Variants in CHD9 observed in about 807,000 individuals in gnomAD.
The protein encoded by CHD9 is ATP-dependent chromatin remodeler CHD9.
A neutral mutation model predicts 316.1 loss-of-function variants in CHD9; 77 were observed. That is an observed-to-expected ratio of 0.24 (90% CI 0.20 to 0.29). CHD9 has a LOEUF of 0.29. Among genes scored for constraint, CHD9 ranks in the 10% least tolerant of loss-of-function variants. The probability of loss-of-function intolerance (pLI) is 1.00; values close to 1 mark genes in which losing one functional copy is unlikely to be tolerated. For missense variants in CHD9, 2,763 were observed against 3,438.1 expected, an observed-to-expected ratio of 0.80 and a Z score of 4.91; for synonymous variants, 1,129 against 1,158.3, an observed-to-expected ratio of 0.97 and a Z score of 0.51.
In CHD9 at chr16:53,304,692, T is replaced by C. The variant is rs551668330; in HGVS notation, c.6619+67T>C. 122 of 853,740 alleles carry C rather than the reference T, an allele frequency of 1.4e-4. No individual in the cohort carries two copies. The East Asian group carries it at 1.9e-3, about 14-fold the overall frequency. The allele number at this position is 853,740 out of a possible 1,614,324, so 52.9% of individuals were successfully genotyped here. ...TCTTTTCTTTTCTTTTCTTTTCTTT[T>C]CTTTTTTTTTTTTTTTTTTGAGATG... On this transcript the variant is annotated intron_variant, in intron 31 of 38. Coordinates refer to ENST00000447540, the MANE Select transcript of CHD9 (RefSeq NM_001308319.2).
chr16:53,296,886 C>T, intron 29 of CHD9, 70 bp from the exon 30 acceptor site: 2 of 971,850 alleles, frequency 2.1e-6, no homozygotes, highest in South Asian at 1.5e-5. Context: ...GTATTATAGT[C>T]ATTATATTTA....
chr16:53,172,515 T>C (rs2152785510), intron 2 of CHD9, among the ~76,000 whole-genome samples: 1 of 152,344 alleles, frequency 6.6e-6, no homozygotes, highest in South Asian at 2.1e-4. Context: ...CATACATTTT[T>C]ATTTCCATTG....
chr16:53,245,211 T>C lies in CHD9; in HGVS notation c.3055-125T>C, dbSNP rs200406885. 16,692 of 626,428 alleles carry C rather than the reference T, an allele frequency of 0.027. 387 individuals are homozygous for C. The highest frequency in any genetic ancestry group is 0.058 in the South Asian group (1,649 of 28,676). 38.8% of individuals were successfully genotyped at this position (626,428 alleles called of 1,614,324 possible). On this transcript the variant is annotated intron_variant, in intron 13 of 38. Coordinates refer to ENST00000447540, the MANE Select transcript of CHD9 (RefSeq NM_001308319.2). The surrounding 1 kb of genome is among the most constrained non-coding windows in gnomAD (Gnocchi z 4.1). Reference sequence around the variant, plus strand: ...ATATATATATACACACACACACACATAACATATATATATGTATATATAGTC... The same window carrying C: ...ATATATATATACACACACACACACACAACATATATATATGTATATATAGTC...
intron 1 of CHD9, among the ~76,000 whole-genome samples, chr16:53,143,419 G>A (rs1396037073): frequency 2.1e-5 from 3 of 139,792 alleles, no homozygotes; most frequent in African/African-American, 5.4e-5. Flanking sequence ...GCAGATACTC[G>A]CTCTGTCGCC....
At position 53,110,403 on chromosome 16, in the gene CHD9, C is replaced by A. The variant is rs150934810; in HGVS notation, c.-164-45523C>A. On this transcript the variant is annotated intron_variant, in intron 1 of 38. Coordinates refer to ENST00000447540, the MANE Select transcript of CHD9 (RefSeq NM_001308319.2). ...ACTGAGCCCAGGAGTTCAAAACCAG[C>A]CTGGGCAACATAGTGAGACTCTGTC... Among the ~76,000 whole-genome samples the A allele has an allele frequency of 2.9e-3, 448 of 152,194 alleles. 5 individuals are homozygous for A. The highest frequency in any genetic ancestry group is 0.01 in the African/African-American group (431 of 41,504).
At chr16:53,062,436 A>G (rs1025697970) in intron 1 of CHD9, among the ~76,000 whole-genome samples, 1 of 152,182 alleles carries the variant, frequency 6.6e-6, no homozygotes, top group Admixed American at 6.5e-5. Context: ...TATCAATGGT[A>G]TGAGGATAGA....
intron 11 of CHD9, among the ~76,000 whole-genome samples, chr16:53,236,166 A>T (rs1489637931): frequency 1.3e-5 from 2 of 152,058 alleles, no homozygotes; most frequent in African/African-American, 4.8e-5. Flanking sequence ...TTGACAAAAC[A>T]TTTTTTTAAC....
chr16:53,165,230 C>A (rs2042192935), intron 2 of CHD9, among the ~76,000 whole-genome samples: 1 of 152,116 alleles, frequency 6.6e-6, no homozygotes, highest in Non-Finnish European at 1.5e-5. Flanking sequence ...AGGGTTATTT[C>A]AACTCTTAAG....
chr16:53,127,510 G>T (rs1316482482), intron 1 of CHD9, among the ~76,000 whole-genome samples: 1 of 152,100 alleles, frequency 6.6e-6, no homozygotes, highest in Non-Finnish European at 1.5e-5. Flanking sequence ...CAGTATAATG[G>T]TTACAAGTTA....
chr16:53,128,049 G>T (rs902687723), intron 1 of CHD9, among the ~76,000 whole-genome samples: 1 of 151,586 alleles, frequency 6.6e-6, no homozygotes, highest in African/African-American at 2.4e-5. Context: ...TTCAGTAAAC[G>T]TATCTATTGT....
chr16:53,323,453 T>G (rs2057396472), intron 38 of CHD9, among the ~76,000 whole-genome samples: 1 of 152,206 alleles, frequency 6.6e-6, no homozygotes, highest in African/African-American at 2.4e-5. Context: ...CATAGATTGT[T>G]TTCTGTTGTC....
chr16:53,205,797 T>G (rs1244987547), intron 2 of CHD9, among the ~76,000 whole-genome samples: 1 of 152,174 alleles, frequency 6.6e-6, no homozygotes, highest in African/African-American at 2.4e-5. Flanking sequence ...AGCAGGAGGA[T>G]CTGCATCTTA....
intron 20 of CHD9, among the ~76,000 whole-genome samples, chr16:53,265,560 A>G (rs1273309394): frequency 6.6e-6 from 1 of 152,220 alleles, no homozygotes; most frequent in Non-Finnish European, 1.5e-5. Flanking sequence ...CTAAAGAAAG[A>G]TGATTTAATA....
At chr16:53,222,885 G>A in intron 4 of CHD9, 130 bp downstream of exon 4, 1 of 544,290 alleles carries the variant, frequency 1.8e-6, no homozygotes, top group Non-Finnish European at 3.3e-6. Context: ...GAAGTTGAAG[G>A]TAGCATTATT....
In CHD9 at chr16:53,245,457, G is replaced by C. The variant is rs2049503453; in HGVS notation, c.3176G>C (p.Gly1059Ala). Reference protein sequence around the residue: ...PSESTFMQEFGDLKTEEQVQK... With the variant: ...PSESTFMQEFADLKTEEQVQK... ...GAATCAACATTTATGCAAGAATTTG[G>C]GGATCTGAAAACAGAGGAACAGGTA... Residue 1059 changes from glycine (G) to alanine (A), a missense_variant, in exon 14 of 39, where the codon GGG becomes GCG. Around this residue, in one of 15 missense-constraint regions of CHD9, gnomAD observed 155 missense variants for 291.8 expected, o/e 0.53. Coordinates refer to ENST00000447540, the MANE Select transcript of CHD9 (RefSeq NM_001308319.2). This position sits in a 1 kb window ranked among gnomAD's most constrained non-coding sequence, Gnocchi z 4.1. 1 of 1,598,708 alleles carries C rather than the reference G, an allele frequency of 6.3e-7. No homozygotes were observed. The highest frequency in any genetic ancestry group is 8.5e-7 in the Non-Finnish European group (1 of 1,175,392).
chr16:53,303,600 G>T (rs1597918379), intron 30 of CHD9, 120 bp from the exon 31 acceptor site: 2 of 689,066 alleles, frequency 2.9e-6, no homozygotes, highest in Non-Finnish European at 4.3e-6. Context: ...CAGTGATATT[G>T]CATGGAGGCA....
At chr16:53,243,545 T>C (rs1027667605) in intron 13 of CHD9, among the ~76,000 whole-genome samples, 5 of 152,226 alleles carry the variant, frequency 3.3e-5, no homozygotes, top group African/African-American at 1.2e-4. Context: ...ACTCCCGACC[T>C]CAGGTTATCC....
At chr16:53,113,698 G>A (rs1350113175) in intron 1 of CHD9, among the ~76,000 whole-genome samples, 1 of 151,734 alleles carries the variant, frequency 6.6e-6, no homozygotes, top group Non-Finnish European at 1.5e-5. Flanking sequence ...TTTCTGTTTT[G>A]TTTTGTTTTA....
intron 1 of CHD9, among the ~76,000 whole-genome samples, chr16:53,056,742 AG>A (rs2032173486): frequency 1.3e-5 from 2 of 152,250 alleles, no homozygotes; most frequent in Non-Finnish European, 2.9e-5. Context: ...TTTATTATTG[AG>A]AGCCTACTGT....
Sources: allele counts gnomAD v4.1 joint callset (sites outside exome capture counted in the v4.1 genomes callset), GRCh38; gene constraint gnomAD v4.1.1; regional missense constraint gnomAD v4.1.1; non-coding constraint Gnocchi (gnomAD v3.1); transcripts MANE v1.5; gene names NCBI Gene and HGNC (gene_info 2026-07-23, HGNC 2026-07-21).